CPEB3: variants seen among roughly 807,000 people sequenced by gnomAD.
CPEB3 encodes cytoplasmic polyadenylation element-binding protein 3.
CPEB3 carries 20 observed loss-of-function variants against 67.2 expected under a neutral mutation model. That is an observed-to-expected ratio of 0.30 (90% CI 0.21 to 0.43). The LOEUF is 0.43. Ranked by LOEUF, CPEB3 falls within the 20% of genes least tolerant of loss-of-function variation. CPEB3 has a pLI of 1.00. For missense variants in CPEB3, 746 were observed against 968.6 expected (o/e 0.77, Z 3.05); for synonymous variants, 376 against 393.1 (o/e 0.96, Z 0.51).
rs769739476 is a variant in CPEB3, at chr10:92,048,985, G to T, written c.*3227C>A. The T allele has an allele frequency of 3.3e-5, 5 of 152,264 alleles. No homozygotes were observed. The highest frequency in any genetic ancestry group is 5.9e-5 in the Non-Finnish European group (4 of 67,970). The allele number at this position is 152,264 out of a possible 1,614,324, so 9.4% of individuals were successfully genotyped here. The stretch of plus-strand genomic sequence containing the variant: ...AGAAAGCACTCCTTAAAGAAAATAC[G>T]AAATAAAATGAAAAATATGTAAATA... On this transcript the variant is annotated 3_prime_UTR_variant, in exon 10 of 10. Transcript: ENST00000265997. The surrounding 1 kb of genome is among the most constrained non-coding windows in gnomAD (Gnocchi z 4.1).
intron 2 of CPEB3, among the ~76,000 whole-genome samples, chr10:92,234,785 C>T (rs912937181): frequency 1.3e-5 from 2 of 151,970 alleles, no homozygotes; most frequent in African/African-American, 4.8e-5. Context: ...ATTAGCTGGG[C>T]ATGGTAGCAC....
At chr10:92,219,429 C>A (rs1274172964) in intron 2 of CPEB3, among the ~76,000 whole-genome samples, 2 of 152,188 alleles carry the variant, frequency 1.3e-5, no homozygotes, top group Admixed American at 6.5e-5. Context: ...ACCTCAACCC[C>A]CTTGTATGCT....
chr10:92,061,771 C>G lies in CPEB3; in HGVS notation c.1870-9332G>C, dbSNP rs1040743101. Among the ~76,000 whole-genome samples the G allele has an allele frequency of 2.6e-5, 4 of 152,126 alleles. No individual in the cohort carries two copies. In the East Asian group the frequency reaches 7.7e-4, roughly 29 times the overall value. ...ATGAATAAGACCTACTATTTCATATCACAACAGGGTGACTATAGTCAATAA... is the reference window on the plus strand; with the variant it reads ...ATGAATAAGACCTACTATTTCATATGACAACAGGGTGACTATAGTCAATAA... On this transcript the variant is annotated intron_variant, in intron 9 of 9. Coordinates refer to ENST00000265997, the MANE Select transcript of CPEB3 (RefSeq NM_014912.5).
At chr10:92,252,344 G>A (rs559246614) in intron 1 of CPEB3, among the ~76,000 whole-genome samples, 1 of 152,226 alleles carries the variant, frequency 6.6e-6, no homozygotes, top group East Asian at 1.9e-4. Context: ...TGAAAGTATA[G>A]TTCGGTATAA....
chr10:92,200,510 A>G (rs1030571894), intron 2 of CPEB3, among the ~76,000 whole-genome samples: 1 of 137,436 alleles, frequency 7.3e-6, no homozygotes, highest in Non-Finnish European at 1.5e-5. Flanking sequence ...ACACCACTGC[A>G]CTCCAGCCTG....
chr10:92,183,946 A>G (rs1040127619), intron 3 of CPEB3, among the ~76,000 whole-genome samples: 1 of 152,208 alleles, frequency 6.6e-6, no homozygotes, highest in African/African-American at 2.4e-5. Context: ...ACATGTTCCT[A>G]TAACTACTTA....
At position 92,192,565 on chromosome 10, in the gene CPEB3, A is replaced by G. The variant is rs1484212548; in HGVS notation, c.1077T>C (p.Thr359=). Residue 359 remains threonine (T), a synonymous_variant, in exon 3 of 10, where the codon ACT becomes ACC. Coordinates refer to ENST00000265997, the MANE Select transcript of CPEB3 (RefSeq NM_014912.5). ...GTTTACCTTTCAGAGGTTCATGATC[A>G]GTCCTTATCATATCCATTAAGGAGT... ...LENSLMDMIR[T]DHEPLKGKHY... 1 of 1,613,856 alleles carries G rather than the reference A, an allele frequency of 6.2e-7. No individual in the cohort carries two copies. The highest frequency in any genetic ancestry group is 1.1e-5 in the South Asian group (1 of 91,060).
At chr10:92,106,448 T>A (rs928978634) in intron 7 of CPEB3, among the ~76,000 whole-genome samples, 8 of 152,064 alleles carry the variant, frequency 5.3e-5, no homozygotes, top group Admixed American at 5.2e-4. Context: ...TCACGATACA[T>A]GATGTGGTGA....
At chr10:92,178,833 T>C (rs181746323) in intron 4 of CPEB3, among the ~76,000 whole-genome samples, 1 of 152,312 alleles carries the variant, frequency 6.6e-6, no homozygotes, top group Admixed American at 6.5e-5. Context: ...TTGTCGAAGC[T>C]GGCAGGTCCC....
chr10:92,118,111 T>C (rs1398084307), intron 6 of CPEB3, among the ~76,000 whole-genome samples: 1 of 152,212 alleles, frequency 6.6e-6, no homozygotes. Context: ...CTTATGACAG[T>C]GACCATTTGA....
At chr10:92,064,474 A>G (rs1842474295) in intron 9 of CPEB3, among the ~76,000 whole-genome samples, 1 of 152,184 alleles carries the variant, frequency 6.6e-6, no homozygotes, top group African/African-American at 2.4e-5. Flanking sequence ...TTGAGTGAGT[A>G]CCTTCTGTCT....
chr10:92,055,531 G>A (rs988404533), intron 9 of CPEB3, among the ~76,000 whole-genome samples: 5 of 152,100 alleles, frequency 3.3e-5, no homozygotes, highest in Non-Finnish European at 7.4e-5. Context: ...TCTTCATAAG[G>A]AATGCCAAGT....
intron 7 of CPEB3, among the ~76,000 whole-genome samples, chr10:92,107,345 G>A (rs774700910): frequency 9.5e-4 from 144 of 152,116 alleles, no homozygotes; most frequent in African/African-American, 1.5e-3. Context: ...AATTGTAGTC[G>A]TGCTATAAAT....
At chr10:92,075,446 T>A (rs1362392978) in intron 9 of CPEB3, among the ~76,000 whole-genome samples, 1 of 152,208 alleles carries the variant, frequency 6.6e-6, no homozygotes, top group Non-Finnish European at 1.5e-5. Flanking sequence ...AAAAAATACC[T>A]CTGTGTTCTA....
chr10:92,104,788 G>C (rs1054248082), intron 7 of CPEB3, among the ~76,000 whole-genome samples: 1 of 150,676 alleles, frequency 6.6e-6, no homozygotes, highest in African/African-American at 2.4e-5. Flanking sequence ...GACACCCAGG[G>C]CAAAAAAAAA....
intron 1 of CPEB3, among the ~76,000 whole-genome samples, chr10:92,240,633 A>T (rs1851801115): frequency 6.6e-6 from 1 of 152,178 alleles, no homozygotes; most frequent in Non-Finnish European, 1.5e-5. Context: ...AGATGTGCTT[A>T]TAAGACAGAA....
rs1389273546 is a variant in CPEB3 at position 92,111,110 on chromosome 10, A to T, written c.1538T>A (p.Leu513Gln). ...ACLEEDGKLY[L>Q]CVSSPTIKDK... is the part of the protein sequence containing the mutation. ...CTTGATGGTGGGGCTTGACACACAC[A>T]GGTAGAGTTTCCCATCTTCTTCTAG... Residue 513 changes from leucine (L) to glutamine (Q), a missense_variant, in exon 7 of 10, where the codon CTG becomes CAG. Physicochemically the swap from Leu to Gln is moderately radical, Grantham distance 113. Transcript: ENST00000265997. The T allele has an allele frequency of 5.6e-6, 9 of 1,614,058 alleles. No individual in the cohort carries two copies. The highest frequency in any genetic ancestry group is 6.8e-6 in the Non-Finnish European group (8 of 1,179,890).
At chr10:92,057,372 AG>A (rs1051148002) in intron 9 of CPEB3, among the ~76,000 whole-genome samples, 42 of 152,330 alleles carry the variant, frequency 2.8e-4, no homozygotes, top group African/African-American at 1.0e-3. Flanking sequence ...GCCTTTGGAA[AG>A]GGGAGGGAAG....
chr10:92,080,872 T>C (rs576225036), intron 9 of CPEB3, among the ~76,000 whole-genome samples: 24 of 152,304 alleles, frequency 1.6e-4, no homozygotes, highest in African/African-American at 5.8e-4. Flanking sequence ...GTGCTGGGAT[T>C]ACAGGTGTGA....
Sources: allele counts gnomAD v4.1 joint callset (sites outside exome capture counted in the v4.1 genomes callset), GRCh38; gene constraint gnomAD v4.1.1; non-coding constraint Gnocchi (gnomAD v3.1); transcripts MANE v1.5; gene names NCBI Gene and HGNC (gene_info 2026-07-23, HGNC 2026-07-21).